The following PLOD2 variants were observed in gnomAD, a reference collection of about 807,000 sequenced individuals.
PLOD2 encodes the protein lysine hydroxylase 2.
A neutral mutation model predicts 101.0 loss-of-function variants in PLOD2; 65 were observed. The ratio of observed to expected loss-of-function variants is 0.64; its 90% CI spans 0.53 to 0.79. The LOEUF is 0.79. Among genes scored for constraint, PLOD2 ranks in the 30% least tolerant of loss-of-function variants. PLOD2 has a pLI of 0.00. For missense variants in PLOD2, 909 were observed against 914.6 expected (o/e 0.99, Z 0.08); for synonymous variants, 314 against 302.9 (o/e 1.04, Z -0.38).
chr3:146,124,148 T>C lies in PLOD2; in HGVS notation c.191A>G (p.Tyr64Cys). 6.5e-7 allele frequency: 1 copy of C among 1,539,328 alleles called. No homozygotes were observed. The highest frequency in any genetic ancestry group is 9.0e-7 in the Non-Finnish European group (1 of 1,112,888). Residue 64 changes from tyrosine (Y) to cysteine (C), a missense_variant, in exon 2 of 20, where the codon TAT becomes TGT. Physicochemically the swap from Tyr to Cys is radical, Grantham distance 194. Coordinates refer to ENST00000282903, the MANE Select transcript of PLOD2 (RefSeq NM_182943.3). ...AAGGATATACCATACCTTCACAGTA[T>C]AATTGAAATATTTGGCTGACTGCAT... The part of the protein sequence containing the change: ...RFMQSAKYFN[Y>C]TVKVLGQGEE...
intron 3 of PLOD2, among the ~76,000 whole-genome samples, chr3:146,111,005 G>A (rs1184311144): frequency 6.6e-6 from 1 of 150,746 alleles, no homozygotes; most frequent in Non-Finnish European, 1.5e-5. Flanking sequence ...ATACACTTGG[G>A]AGAAAATTTT....
intron 1 of PLOD2, among the ~76,000 whole-genome samples, chr3:146,146,568 C>G (rs1031419570): frequency 5.9e-5 from 9 of 152,082 alleles, no homozygotes; most frequent in African/African-American, 1.7e-4. Context: ...GACATATGGA[C>G]AGCAGCAAAG....
chr3:146,129,086 G>C (rs542637699), intron 1 of PLOD2, among the ~76,000 whole-genome samples: 57 of 152,040 alleles, frequency 3.7e-4, no homozygotes, highest in African/African-American at 1.4e-3. Flanking sequence ...GTAACTGTGA[G>C]TACACTGTTC....
intron 11 of PLOD2, among the ~76,000 whole-genome samples, chr3:146,084,225 A>G (rs554136486): frequency 6.6e-6 from 1 of 152,214 alleles, no homozygotes; most frequent in African/African-American, 2.4e-5. Context: ...TTGGAAAATT[A>G]CCTACGATGT....
chr3:146,083,308 GA>G lies in PLOD2; in HGVS notation c.1233-1446del, dbSNP rs1936628098. On this transcript the variant is annotated intron_variant, in intron 11 of 19. Transcript: ENST00000282903. ...GCAAATAGAGATAGGGAGAGAAGAG[GA>G]AAAAAGAGAGCTGATGAGAAGGTAG... 2.0e-5 allele frequency among the ~76,000 whole-genome samples: 3 copies of G among 151,990 alleles called. No individual in the cohort carries two copies. In the South Asian group the frequency reaches 6.2e-4, roughly 32 times the overall value.
At chr3:146,096,168 T>A (rs374748300) in intron 7 of PLOD2, among the ~76,000 whole-genome samples, 2 of 147,066 alleles carry the variant, frequency 1.4e-5, no homozygotes, top group African/African-American at 5.0e-5. Flanking sequence ...GGATTGCAGA[T>A]GGAGTCTCGT....
intron 7 of PLOD2, 59 bp from the exon 8 acceptor site, chr3:146,091,960 T>A: frequency 1.1e-6 from 1 of 880,168 alleles, no homozygotes; most frequent in Admixed American, 1.8e-5. Context: ...TGTGGTTTCA[T>A]TCTATAATCA....
intron 4 of PLOD2, among the ~76,000 whole-genome samples, chr3:146,108,593 T>C (rs920043446): frequency 6.6e-6 from 1 of 152,222 alleles, no homozygotes. Context: ...AACATATTTA[T>C]ATTTTCTGCC....
chr3:146,095,136 A>G (rs1937105438), intron 7 of PLOD2, among the ~76,000 whole-genome samples: 1 of 152,206 alleles, frequency 6.6e-6, no homozygotes, highest in African/African-American at 2.4e-5. Context: ...CCTAGGCAAT[A>G]TCATTCAGGA....
chr3:146,126,713 A>G (rs2030584731), intron 1 of PLOD2, among the ~76,000 whole-genome samples: 1 of 152,190 alleles, frequency 6.6e-6, no homozygotes, highest in Non-Finnish European at 1.5e-5. Flanking sequence ...TGATTTGTAA[A>G]AGCTATAAAA....
intron 14 of PLOD2, chr3:146,077,483 TA>T: frequency 5.6e-6 from 1 of 177,052 alleles, no homozygotes; most frequent in Non-Finnish European, 1.2e-5. Flanking sequence ...GTTTTAATAG[TA>T]AAAGAGTTAG....
intron 6 of PLOD2, 55 bp from the exon 7 acceptor site, chr3:146,102,907 C>T: frequency 1.1e-6 from 1 of 893,836 alleles, no homozygotes; most frequent in Non-Finnish European, 1.9e-6. Flanking sequence ...GTGTGTGTGT[C>T]TGTATTCGTG....
chr3:146,079,844 A>C (rs1936470998), intron 12 of PLOD2, among the ~76,000 whole-genome samples: 2 of 152,166 alleles, frequency 1.3e-5, no homozygotes, highest in South Asian at 2.1e-4. Context: ...AAAATTCTCC[A>C]AAATTATATT....
At chr3:146,138,345 A>AG (rs1413089346) in intron 1 of PLOD2, among the ~76,000 whole-genome samples, 2 of 151,906 alleles carry the variant, frequency 1.3e-5, no homozygotes, top group African/African-American at 4.8e-5. Context: ...AACCAAAAAA[A>AG]AAAACAAACA....
intron 1 of PLOD2, among the ~76,000 whole-genome samples, chr3:146,158,671 G>GTT (rs34240070): frequency 7.9e-6 from 1 of 127,158 alleles, no homozygotes; most frequent in South Asian, 2.3e-4. Context: ...GGCCTTTTTT[G>GTT]TTTTTTTGGT....
chr3:146,144,069 T>C (rs2031655416), intron 1 of PLOD2, among the ~76,000 whole-genome samples: 1 of 152,134 alleles, frequency 6.6e-6, no homozygotes, highest in South Asian at 2.1e-4. Flanking sequence ...CACCCTTCTA[T>C]GCTCAAATGT....
chr3:146,119,265 T>C (rs1199254282), intron 3 of PLOD2, among the ~76,000 whole-genome samples: 1 of 152,114 alleles, frequency 6.6e-6, no homozygotes. Flanking sequence ...TGATCCTAAG[T>C]TTCCTGAGGC....
chr3:146,100,713 G>A (rs146565273), intron 7 of PLOD2, among the ~76,000 whole-genome samples: 13 of 152,290 alleles, frequency 8.5e-5, no homozygotes, highest in African/African-American at 2.6e-4. Context: ...TGTGAAGAGG[G>A]TGTGCATGTG....
At chr3:146,129,267 C>G (rs1024767032) in intron 1 of PLOD2, among the ~76,000 whole-genome samples, 4 of 152,058 alleles carry the variant, frequency 2.6e-5, no homozygotes, top group African/African-American at 9.7e-5. Context: ...CCTTATGGGC[C>G]ACATACACTG....
Sources: gnomAD v4.1 joint callset for allele counts (sites outside exome capture counted in the v4.1 genomes callset) on GRCh38, gnomAD v4.1.1 for gene constraint, MANE v1.5 for transcripts, NCBI Gene and HGNC (gene_info 2026-07-23, HGNC 2026-07-21) for gene names.